SLCO1A2: variants seen among roughly 807,000 people sequenced by gnomAD.
SLCO1A2 encodes OATP-1.
SLCO1A2 carries 67 observed loss-of-function variants against 69.0 expected under a neutral mutation model. The observed-to-expected ratio is 0.97, with a 90% CI of 0.80 to 1.19. The LOEUF (loss-of-function observed/expected upper bound fraction) is 1.19, where lower values mean the gene tolerates loss of function less well. SLCO1A2 is among the 50% of genes most tolerant of loss of function. The probability of loss-of-function intolerance (pLI) is 0.00; values close to 1 mark genes in which losing one functional copy is unlikely to be tolerated. For missense variants in SLCO1A2, 787 were observed against 793.7 expected, an observed-to-expected ratio of 0.99 and a Z score of 0.10; for synonymous variants, 260 against 265.9, an observed-to-expected ratio of 0.98 and a Z score of 0.22.
intron 2 of SLCO1A2, among the ~76,000 whole-genome samples, chr12:21,359,014 A>T (rs1938600752): frequency 6.6e-6 from 1 of 152,226 alleles, no homozygotes; most frequent in Non-Finnish European, 1.5e-5. Flanking sequence ...TCAGAATCCT[A>T]TGCTTAGCTA....
At position 21,301,189 on chromosome 12, in the gene SLCO1A2, T is replaced by C. The variant is rs115491548; in HGVS notation, c.670A>G (p.Thr224Ala). Reference sequence around the variant, plus strand: ...GAATTACCTGTGTTCACAAATCCAGTGTCAACATAAACATTTGCACAGAAT... The same window carrying C: ...GAATTACCTGTGTTCACAAATCCAGCGTCAACATAAACATTTGCACAGAAT... Reference protein sequence around the residue: ...ASFCANVYVDTGFVNTDDLII... With the variant: ...ASFCANVYVDAGFVNTDDLII... Residue 224 changes from threonine (T) to alanine (A), a missense_variant, in exon 7 of 15, where the codon ACT becomes GCT. Physicochemically the swap from Thr to Ala is moderately conservative, Grantham distance 58. Transcript: ENST00000683939. 1.9e-5 allele frequency: 31 copies of C among 1,611,368 alleles called. 1 individual carries two copies. The African/African-American group carries it at 4.0e-4, about 21-fold the overall frequency.
At chr12:21,413,231 CTTTTTCTTTTTTT>C (rs1565535450) in intron 1 of SLCO1A2, among the ~76,000 whole-genome samples, 1 of 94,718 alleles carries the variant, frequency 1.1e-5, no homozygotes, top group African/African-American at 4.0e-5. Context: ...TTTTCTTTTT[CTTTTTCTTTTTTT>C]TTTTTTTTTT....
At chr12:21,285,276 T>C (rs1945538056) in intron 12 of SLCO1A2, among the ~76,000 whole-genome samples, 1 of 152,222 alleles carries the variant, frequency 6.6e-6, no homozygotes, top group Non-Finnish European at 1.5e-5. Context: ...GATACATTCC[T>C]TGACACATAC....
upstream of SLCO1A2, among the ~76,000 whole-genome samples, chr12:21,396,036 G>A (rs1427251270): frequency 9.9e-5 from 15 of 151,566 alleles, no homozygotes; most frequent in African/African-American, 2.7e-4. Context: ...TGACTTTGAC[G>A]AGCTGAGAGA....
Position 21,295,706 on chromosome 12 carries a change from C to A in SLCO1A2, c.1162G>T (p.Ala388Ser). The A allele has an allele frequency of 9.3e-6, 15 of 1,608,620 alleles. No homozygotes were observed. The highest frequency in any genetic ancestry group is 1.2e-5 in the Non-Finnish European group (14 of 1,175,260). Reference protein sequence around the residue: ...KKFKITVKQAAHIGCWLSLLE... With the variant: ...KKFKITVKQASHIGCWLSLLE... ...AAGGATAACCAACATCCTATGTGGG[C>A]AGCTTGTTTGACAGTAATCTTGAAC... Residue 388 changes from alanine (A) to serine (S), a missense_variant, in exon 10 of 15, where the codon GCC (alanine) becomes TCC (serine). Transcript: ENST00000683939.
intron 12 of SLCO1A2, among the ~76,000 whole-genome samples, chr12:21,291,399 A>C (rs1946822350): frequency 6.6e-6 from 1 of 152,176 alleles, no homozygotes; most frequent in Non-Finnish European, 1.5e-5. Flanking sequence ...AATTGAATAG[A>C]AATAAATAAA....
At chr12:21,288,372 C>T (rs1465674155) in intron 12 of SLCO1A2, among the ~76,000 whole-genome samples, 3 of 151,894 alleles carry the variant, frequency 2.0e-5, no homozygotes, top group Non-Finnish European at 2.9e-5. Flanking sequence ...GCCAGGGAGG[C>T]GGAGGTTGCA....
rs527323925 is a variant in SLCO1A2 at position 21,333,456 on chromosome 12, C to T, written c.60+1132G>A. Among the ~76,000 whole-genome samples, 409 of 152,180 alleles carry T rather than the reference C, an allele frequency of 2.7e-3. 5 individuals carry two copies. The highest frequency in any genetic ancestry group is 9.5e-3 in the African/African-American group (393 of 41,556). On this transcript the variant is annotated intron_variant, in intron 2 of 14. Coordinates refer to ENST00000683939, the MANE Select transcript of SLCO1A2 (RefSeq NM_001386879.1). Reference sequence around the variant, plus strand: ...TGTTAAAAATAGTTCTTTCATGCTTCCTAATGAATTTTGCTTAATGAGTAT... The same window carrying T: ...TGTTAAAAATAGTTCTTTCATGCTTTCTAATGAATTTTGCTTAATGAGTAT...
intron 14 of SLCO1A2, among the ~76,000 whole-genome samples, chr12:21,271,045 C>G (rs1447163406): frequency 1.3e-5 from 2 of 151,582 alleles, no homozygotes; most frequent in Non-Finnish European, 1.5e-5. Flanking sequence ...AAATGGACAC[C>G]AGTGATTGGA....
intron 12 of SLCO1A2, among the ~76,000 whole-genome samples, chr12:21,282,964 T>C (rs567441742): frequency 6.6e-6 from 1 of 152,226 alleles, no homozygotes; most frequent in East Asian, 1.9e-4. Context: ...TGCTCATAAA[T>C]TGAAAGAAAC....
At chr12:21,280,202 A>G (rs1944535433) in intron 12 of SLCO1A2, among the ~76,000 whole-genome samples, 2 of 152,266 alleles carry the variant, frequency 1.3e-5, no homozygotes, top group East Asian at 1.9e-4. Context: ...CAGAAAACAA[A>G]TAACAAAATG....
At chr12:21,386,998 T>A (rs577388245) in intron 1 of SLCO1A2, among the ~76,000 whole-genome samples, 2 of 152,204 alleles carry the variant, frequency 1.3e-5, no homozygotes, top group South Asian at 2.1e-4. Context: ...TGGTCTCAGA[T>A]GGAGATGAGG....
chr12:21,355,315 T>C (rs1938279820), intron 2 of SLCO1A2, among the ~76,000 whole-genome samples: 1 of 152,114 alleles, frequency 6.6e-6, no homozygotes, highest in Non-Finnish European at 1.5e-5. Context: ...TGAAGAGTCC[T>C]CCCACTAAAA....
At chr12:21,416,939 A>T (rs952210975) in intron 1 of SLCO1A2, among the ~76,000 whole-genome samples, 2 of 152,166 alleles carry the variant, frequency 1.3e-5, no homozygotes, top group African/African-American at 4.8e-5. Context: ...TTCCAAGGAA[A>T]AATCAAACCT....
chr12:21,372,440 C>A (rs1420847141), intron 2 of SLCO1A2, among the ~76,000 whole-genome samples: 1 of 152,104 alleles, frequency 6.6e-6, no homozygotes, highest in Non-Finnish European at 1.5e-5. Context: ...CTTTTGATTT[C>A]TCTTTTATGC....
At chr12:21,363,040 C>T (rs550233362) in intron 2 of SLCO1A2, among the ~76,000 whole-genome samples, 1 of 152,128 alleles carries the variant, frequency 6.6e-6, no homozygotes, top group Non-Finnish European at 1.5e-5. Flanking sequence ...CTGCACCAAG[C>T]GGACCTAATA....
chr12:21,286,840 A>C (rs1355762661), intron 12 of SLCO1A2, among the ~76,000 whole-genome samples: 1 of 146,878 alleles, frequency 6.8e-6, no homozygotes, highest in Admixed American at 6.8e-5. Flanking sequence ...CCTTCCTTAC[A>C]CCTTATACAA....
At chr12:21,318,526 C>G (rs1565495665) in intron 3 of SLCO1A2, among the ~76,000 whole-genome samples, 1 of 152,064 alleles carries the variant, frequency 6.6e-6, no homozygotes, top group Non-Finnish European at 1.5e-5. Flanking sequence ...GCTACTCATG[C>G]TACATAACTA....
At chr12:21,363,252 C>A (rs1467357033) in intron 2 of SLCO1A2, among the ~76,000 whole-genome samples, 1 of 152,030 alleles carries the variant, frequency 6.6e-6, no homozygotes, top group African/African-American at 2.4e-5. Context: ...CACTCAAAAC[C>A]GCTCAACTAC....
Sources: allele counts gnomAD v4.1 joint callset (sites outside exome capture counted in the v4.1 genomes callset), GRCh38; gene constraint gnomAD v4.1.1; transcripts MANE v1.5; gene names NCBI Gene and HGNC (gene_info 2026-07-23, HGNC 2026-07-21).